The following FOXP1 variants were observed in gnomAD, a reference collection of about 807,000 sequenced individuals.
The protein encoded by FOXP1 is forkhead box protein P1.
Under a neutral mutation model 98.2 loss-of-function variants are expected in FOXP1, and 15 were observed. The observed-to-expected ratio is 0.15, with a 90% CI of 0.10 to 0.24. The LOEUF (loss-of-function observed/expected upper bound fraction) is 0.24. FOXP1 is among the 10% of genes least tolerant of loss of function. The pLI is 1.00. For missense variants in FOXP1, 633 were observed against 848.5 expected (o/e 0.75, Z 3.15); for synonymous variants, 371 against 314.5 (o/e 1.18, Z -1.90).
At chr3:71,524,075 G>A (rs1336328281) in intron 2 of FOXP1, among the ~76,000 whole-genome samples, 1 of 152,192 alleles carries the variant, frequency 6.6e-6, no homozygotes, top group Non-Finnish European at 1.5e-5. Context: ...TCAATTCAGT[G>A]AGTGACGGGA....
At chr3:71,070,421 T>C (rs766577146) in intron 7 of FOXP1, among the ~76,000 whole-genome samples, 1 of 152,200 alleles carries the variant, frequency 6.6e-6, no homozygotes, top group African/African-American at 2.4e-5. Flanking sequence ...TGGGCCACTG[T>C]TCCCATTTCA....
At chr3:71,019,674 T>C (rs998524804) in intron 11 of FOXP1, among the ~76,000 whole-genome samples, 1 of 151,934 alleles carries the variant, frequency 6.6e-6, no homozygotes, top group Admixed American at 6.6e-5. Context: ...TACTAAAAAA[T>C]ACAAAAATTA....
At chr3:71,343,883 T>C (rs1167898050) in intron 4 of FOXP1, among the ~76,000 whole-genome samples, 2 of 152,226 alleles carry the variant, frequency 1.3e-5, no homozygotes, top group African/African-American at 4.8e-5. Context: ...GGATCTACCC[T>C]GTCACAGTTT....
intron 6 of FOXP1, among the ~76,000 whole-genome samples, chr3:71,152,734 G>T (rs181734895): frequency 2.2e-4 from 34 of 152,284 alleles, no homozygotes; most frequent in Middle Eastern, 3.4e-3. Flanking sequence ...CTGTGGCAGA[G>T]ATTAAAAGAG....
intron 19 of FOXP1, chr3:70,968,314 C>G (rs1015416975): frequency 2.6e-5 from 4 of 151,952 alleles, no homozygotes; most frequent in Non-Finnish European, 5.9e-5. Flanking sequence ...TCAGAGCAAC[C>G]CACCCAAGGT....
chr3:71,407,881 G>A (rs540314677), intron 3 of FOXP1, among the ~76,000 whole-genome samples: 9 of 152,210 alleles, frequency 5.9e-5, no homozygotes, highest in South Asian at 2.1e-4. Flanking sequence ...ATTATCTGTC[G>A]CTCTACAATT....
intron 3 of FOXP1, among the ~76,000 whole-genome samples, chr3:71,434,422 C>T (rs1251740350): frequency 6.6e-6 from 1 of 152,170 alleles, no homozygotes; most frequent in African/African-American, 2.4e-5. Context: ...CCCAACTTCC[C>T]TCAATACAGG....
chr3:71,324,268 G>T (rs569548852), intron 4 of FOXP1, among the ~76,000 whole-genome samples: 1 of 152,102 alleles, frequency 6.6e-6, no homozygotes, highest in East Asian at 1.9e-4. Flanking sequence ...TAAAGTAAGG[G>T]GTTGCCCAAA....
intron 5 of FOXP1, among the ~76,000 whole-genome samples, chr3:71,204,644 G>A (rs1424431383): frequency 2.0e-5 from 3 of 152,162 alleles, no homozygotes; most frequent in African/African-American, 7.2e-5. Context: ...CTGACTGGTG[G>A]AGGGGATGAC....
In FOXP1 at chr3:70,955,219, T is replaced by G. The variant is rs949438819; in HGVS notation, c.*4028A>C. 1 of 232,152 alleles carries G rather than the reference T, an allele frequency of 4.3e-6. No individual in the cohort carries two copies. The allele number at this position is 232,152 out of a possible 1,614,324, so 14.4% of individuals were successfully genotyped here. ...GAGAGGAAATATTTTTTAACTCTAT[T>G]TTTTTTCATGAGGAAAAAAAAGCTA... On this transcript the variant is annotated 3_prime_UTR_variant, in exon 21 of 21. Coordinates refer to ENST00000649528, the MANE Select transcript of FOXP1 (RefSeq NM_001349338.3).
intron 2 of FOXP1, chr3:71,580,764 G>A (rs561212896): frequency 1.0e-4 from 103 of 983,590 alleles, no homozygotes; most frequent in Admixed American, 3.1e-4. Context: ...ATATCCTTGA[G>A]GTCTTCTCAA....
intron 2 of FOXP1, among the ~76,000 whole-genome samples, chr3:71,551,041 G>C (rs2045739244): frequency 6.6e-6 from 1 of 152,110 alleles, no homozygotes; most frequent in African/African-American, 2.4e-5. Flanking sequence ...AATATTACCA[G>C]GAAACACTGA....
chr3:71,398,214 T>C (rs929225104), intron 3 of FOXP1, among the ~76,000 whole-genome samples: 1 of 152,196 alleles, frequency 6.6e-6, no homozygotes, highest in African/African-American at 2.4e-5. Flanking sequence ...TCTAATCTGA[T>C]TGTATATATG....
intron 11 of FOXP1, among the ~76,000 whole-genome samples, chr3:71,029,390 CT>C (rs966188584): frequency 6.7e-6 from 1 of 148,922 alleles, no homozygotes; most frequent in African/African-American, 2.5e-5. Flanking sequence ...CACTAGTGCT[CT>C]TTTTTTTTTA....
intron 4 of FOXP1, among the ~76,000 whole-genome samples, chr3:71,313,148 C>T (rs1481559381): frequency 6.6e-6 from 1 of 150,864 alleles, no homozygotes; most frequent in Non-Finnish European, 1.5e-5. Flanking sequence ...CAAGCTCCGC[C>T]TCCCGGATTC....
chr3:71,407,035 G>C (rs1265832996), intron 3 of FOXP1, among the ~76,000 whole-genome samples: 1 of 152,132 alleles, frequency 6.6e-6, no homozygotes, highest in Non-Finnish European at 1.5e-5. Context: ...AATAAGGAAA[G>C]AGATAACCCG....
intron 5 of FOXP1, among the ~76,000 whole-genome samples, chr3:71,226,625 C>T (rs939636761): frequency 7.9e-5 from 12 of 151,946 alleles, no homozygotes; most frequent in Admixed American, 1.3e-4. Flanking sequence ...CATTCTGGCT[C>T]AATCTCTTTC....
chr3:71,501,202 A>ATAAC (rs1381117093), intron 2 of FOXP1, among the ~76,000 whole-genome samples: 4 of 152,088 alleles, frequency 2.6e-5, no homozygotes, highest in African/African-American at 7.2e-5. Flanking sequence ...AAATAAATAA[A>ATAAC]TGGCAAAAAT....
intron 2 of FOXP1, among the ~76,000 whole-genome samples, chr3:71,496,678 G>C (rs2091436851): frequency 1.3e-5 from 2 of 151,998 alleles, no homozygotes; most frequent in Non-Finnish European, 2.9e-5. Context: ...AAATTAGCTG[G>C]GTATGGTGAC....
Sources: gnomAD v4.1 joint callset for allele counts (sites outside exome capture counted in the v4.1 genomes callset) on GRCh38, gnomAD v4.1.1 for gene constraint, MANE v1.5 for transcripts, NCBI Gene and HGNC (gene_info 2026-07-23, HGNC 2026-07-21) for gene names.